ADCY2: variants seen among roughly 807,000 people sequenced by gnomAD.
ADCY2 encodes the protein adenylate cyclase 2.
In ADCY2, 31 loss-of-function variants were observed where a neutral mutation model predicts 125.2. That is an observed-to-expected ratio of 0.25 (90% CI 0.19 to 0.33). The LOEUF (loss-of-function observed/expected upper bound fraction) is 0.33, where lower values mean the gene tolerates loss of function less well. ADCY2 is among the 10% of genes least tolerant of loss of function. The pLI is 1.00. For missense variants in ADCY2, 904 were observed against 1,418.2 expected (o/e 0.64, Z 5.82); for synonymous variants, 512 against 548.4 (o/e 0.93, Z 0.93).
chr5:7,726,609 A>G (rs1165616939), intron 13 of ADCY2, among the ~76,000 whole-genome samples: 1 of 152,178 alleles, frequency 6.6e-6, no homozygotes, highest in Non-Finnish European at 1.5e-5. Flanking sequence ...AGGGGATCCC[A>G]TTGGCTAGGC....
rs150369071 is a variant in ADCY2, at chr5:7,757,251, C to T, written c.1957-198C>T. 4.1e-4 allele frequency among the ~76,000 whole-genome samples: 62 copies of T among 152,262 alleles called. 1 individual carries two copies. The highest frequency in any genetic ancestry group is 1.4e-3 in the African/African-American group (58 of 41,548). ...CTTTGTCATAGGCATTTAATTTGTT[C>T]TCAATTGGTAGCAATGATGCCAACA... On this transcript the variant is annotated intron_variant, in intron 15 of 24. Coordinates refer to ENST00000338316, the MANE Select transcript of ADCY2 (RefSeq NM_020546.3).
chr5:7,548,091 A>G (rs1047689230), intron 3 of ADCY2, among the ~76,000 whole-genome samples: 1 of 152,230 alleles, frequency 6.6e-6, no homozygotes, highest in African/African-American at 2.4e-5. Flanking sequence ...TCAGGGCTGA[A>G]TCTGAGCGGC....
At chr5:7,460,477 GAAATAT>G (rs145190996) in intron 2 of ADCY2, among the ~76,000 whole-genome samples, 168 of 152,188 alleles carry the variant, frequency 1.1e-3, no homozygotes, top group Non-Finnish European at 1.8e-3. Flanking sequence ...TTTTTCACCT[GAAATAT>G]AAATGTAAAT....
chr5:7,688,034 A>C (rs1408350629), intron 4 of ADCY2, among the ~76,000 whole-genome samples: 1 of 129,474 alleles, frequency 7.7e-6, no homozygotes, highest in Non-Finnish European at 1.6e-5. Flanking sequence ...GTAGATGAAC[A>C]GATGCTACTG....
At chr5:7,518,891 C>T (rs1167205560) in intron 2 of ADCY2, among the ~76,000 whole-genome samples, 2 of 152,172 alleles carry the variant, frequency 1.3e-5, no homozygotes, top group East Asian at 3.9e-4. Context: ...CCCTGAGGCC[C>T]CTGAGAGCTG....
intron 2 of ADCY2, among the ~76,000 whole-genome samples, chr5:7,435,459 G>A (rs148162604): frequency 6.6e-6 from 1 of 152,128 alleles, no homozygotes; most frequent in Non-Finnish European, 1.5e-5. Context: ...GAAATGCCCA[G>A]CAAGTTCTAG....
intron 14 of ADCY2, among the ~76,000 whole-genome samples, chr5:7,735,161 C>A (rs182893925): frequency 6.6e-6 from 1 of 152,164 alleles, no homozygotes; most frequent in Non-Finnish European, 1.5e-5. Flanking sequence ...ATGCCACAGA[C>A]TAGAATACTG....
At chr5:7,477,235 C>CTTTT (rs1742560236) in intron 2 of ADCY2, among the ~76,000 whole-genome samples, 1 of 151,932 alleles carries the variant, frequency 6.6e-6, no homozygotes, top group African/African-American at 2.4e-5. Context: ...AAGAGCCAGG[C>CTTTT]TAAATCAAGA....
At chr5:7,720,609 A>C (rs374400091) in intron 12 of ADCY2, among the ~76,000 whole-genome samples, 2 of 147,640 alleles carry the variant, frequency 1.4e-5, no homozygotes, top group African/African-American at 5.0e-5. Context: ...AAGTGTTCTC[A>C]TTGTTCAGTT....
chr5:7,620,701 A>T (rs1450741645), intron 3 of ADCY2, among the ~76,000 whole-genome samples: 1 of 152,184 alleles, frequency 6.6e-6, no homozygotes, highest in Admixed American at 6.5e-5. Flanking sequence ...CTGTAAGCCA[A>T]ATTGGATGCT....
intron 23 of ADCY2, among the ~76,000 whole-genome samples, chr5:7,820,008 C>T (rs571750312): frequency 1.3e-5 from 2 of 152,292 alleles, no homozygotes; most frequent in East Asian, 3.9e-4. Flanking sequence ...CAGTGTCCAG[C>T]GGCTGACCCC....
At chr5:7,633,275 A>G (rs1738383744) in intron 4 of ADCY2, among the ~76,000 whole-genome samples, 1 of 151,984 alleles carries the variant, frequency 6.6e-6, no homozygotes, top group African/African-American at 2.4e-5. Flanking sequence ...TACTAAAAAT[A>G]CAAAAATTAG....
intron 3 of ADCY2, among the ~76,000 whole-genome samples, chr5:7,579,637 A>G (rs1294229643): frequency 2.0e-5 from 3 of 152,194 alleles, no homozygotes; most frequent in African/African-American, 7.2e-5. Flanking sequence ...AACAATCAAT[A>G]TTCTCCAGAG....
At chr5:7,797,178 G>A (rs6864771) in intron 20 of ADCY2, 113,874 of 152,164 alleles carry the variant, frequency 0.75, 43,375 homozygotes, top group African/African-American at 0.87. Context: ...ACGCTTCTGT[G>A]CTTTCTAGTC....
intron 24 of ADCY2, among the ~76,000 whole-genome samples, chr5:7,824,484 G>A (rs1167942601): frequency 6.6e-6 from 1 of 152,154 alleles, no homozygotes; most frequent in Non-Finnish European, 1.5e-5. Context: ...CACTTTTGGT[G>A]GAAGGCCGCT....
intron 15 of ADCY2, among the ~76,000 whole-genome samples, chr5:7,746,570 A>G (rs1249727648): frequency 6.6e-6 from 1 of 152,200 alleles, no homozygotes; most frequent in Non-Finnish European, 1.5e-5. Flanking sequence ...AAACATTGTC[A>G]CTTCCTAAGT....
intron 20 of ADCY2, among the ~76,000 whole-genome samples, chr5:7,792,800 T>C (rs961814307): frequency 1.3e-5 from 2 of 152,236 alleles, no homozygotes; most frequent in Non-Finnish European, 2.9e-5. Flanking sequence ...GTTACTTCCC[T>C]GTCCGAGCCT....
intron 3 of ADCY2, among the ~76,000 whole-genome samples, chr5:7,571,348 T>C (rs1311818433): frequency 9.9e-5 from 15 of 152,130 alleles, no homozygotes; most frequent in Non-Finnish European, 2.2e-4. Context: ...AAGGAAGAGT[T>C]CTGATGTCAA....
chr5:7,826,669 G>T, intron 24 of ADCY2, 50 bp from the exon 25 acceptor site: 1 of 1,613,180 alleles, frequency 6.2e-7, no homozygotes, highest in Middle Eastern at 1.6e-4. Context: ...CAGATGGGTT[G>T]TATCAATGTA....
Sources: gnomAD v4.1 joint callset for allele counts (sites outside exome capture counted in the v4.1 genomes callset) on GRCh38, gnomAD v4.1.1 for gene constraint, MANE v1.5 for transcripts, NCBI Gene and HGNC (gene_info 2026-07-23, HGNC 2026-07-21) for gene names.